Variants in EPB41L4B observed in about 807,000 individuals in gnomAD.
EPB41L4B encodes the protein band 4.1-like protein 4B.
In EPB41L4B, 30 loss-of-function variants were observed where a neutral mutation model predicts 112.5. That is an observed-to-expected ratio of 0.27 (90% CI 0.20 to 0.36). EPB41L4B has a LOEUF of 0.36. Ranked by LOEUF, EPB41L4B falls within the 10% of genes least tolerant of loss-of-function variation. EPB41L4B has a pLI of 1.00. For synonymous variants in EPB41L4B, 408 were observed against 439.7 expected (o/e 0.93, Z 0.90); for missense variants, 1,024 against 1,133.3 (o/e 0.90, Z 1.38).
intron 20 of EPB41L4B, among the ~76,000 whole-genome samples, chr9:109,196,998 C>T (rs558257823): frequency 1.6e-4 from 25 of 152,206 alleles, no homozygotes; most frequent in East Asian, 7.7e-4. Flanking sequence ...GCCAAAAGGG[C>T]GATGTGTGCA....
At chr9:109,198,437 G>A (rs898218645) in intron 20 of EPB41L4B, among the ~76,000 whole-genome samples, 2 of 152,138 alleles carry the variant, frequency 1.3e-5, no homozygotes, top group East Asian at 1.9e-4. Flanking sequence ...AGGAAGAGAG[G>A]ATCAAACAGT....
chr9:109,176,639 G>C lies in EPB41L4B; in HGVS notation c.2545C>G (p.Pro849Ala). ...CCPGPTSPLI[P>A]AATLRPLTET... ...GTCAAAGGCCTCAGGGTCGCTGCTG[G>C]GATCAGCGGGGAAGTCGGGCCAGGA... Residue 849 changes from proline (P) to alanine (A), a missense_variant, in exon 25 of 26, where the codon CCA (proline) becomes GCA (alanine). Coordinates refer to ENST00000374566, the MANE Select transcript of EPB41L4B (RefSeq NM_019114.5). 6.2e-7 allele frequency: 1 copy of C among 1,614,016 alleles called. No homozygotes were observed. Among genetic ancestry groups the C allele is most frequent in the Admixed American group, 1.7e-5 (1 of 59,996 alleles).
In EPB41L4B at chr9:109,200,247, T is replaced by C. The variant is rs769537703; in HGVS notation, c.2034A>G (p.Arg678=). The change falls in exon 20 of 26, where the codon AGA becomes AGG. Residue 678 remains arginine (R), a synonymous_variant. Transcript: ENST00000374566. The part of the protein sequence containing the change: ...IKPPRVRKLT[R]QYSFDEDDLP... The stretch of plus-strand genomic sequence containing the variant: ...AGTACAGAACTCACAAACTATACTG[T>C]CTTGTTAACTTCCTCACTCGGGGAG... The C allele has an allele frequency of 1.1e-5, 17 of 1,614,018 alleles. No homozygotes were observed. Among genetic ancestry groups the C allele is most frequent in the Admixed American group, 3.3e-5 (2 of 60,014 alleles).
chr9:109,304,074 G>A (rs1837080596), intron 1 of EPB41L4B, among the ~76,000 whole-genome samples: 1 of 152,190 alleles, frequency 6.6e-6, no homozygotes, highest in African/African-American at 2.4e-5. Context: ...CCTTGATGAG[G>A]TAATTTAACT....
chr9:109,227,077 G>A (rs954372272), intron 15 of EPB41L4B, among the ~76,000 whole-genome samples: 3 of 151,682 alleles, frequency 2.0e-5, no homozygotes, highest in African/African-American at 7.3e-5. Flanking sequence ...GGTCTTAAGC[G>A]GTCCTCCCAC....
chr9:109,189,966 C>T (rs755608615), intron 22 of EPB41L4B, among the ~76,000 whole-genome samples: 6 of 147,676 alleles, frequency 4.1e-5, no homozygotes, highest in African/African-American at 7.5e-5. Context: ...GATGGACTCT[C>T]GCTTTGTTGC....
chr9:109,229,316 C>A (rs1381086474), intron 15 of EPB41L4B, among the ~76,000 whole-genome samples: 1 of 152,220 alleles, frequency 6.6e-6, no homozygotes, highest in East Asian at 1.9e-4. Flanking sequence ...GCCAAGAAAT[C>A]AACAGATTCC....
intron 1 of EPB41L4B, among the ~76,000 whole-genome samples, chr9:109,298,614 T>C (rs549858850): frequency 6.6e-6 from 1 of 152,186 alleles, no homozygotes; most frequent in Non-Finnish European, 1.5e-5. Context: ...GCCTGGCCCA[T>C]ATACGCATTT....
At chr9:109,284,646 A>T (rs1487095522) in intron 1 of EPB41L4B, among the ~76,000 whole-genome samples, 1 of 152,188 alleles carries the variant, frequency 6.6e-6, no homozygotes, top group Non-Finnish European at 1.5e-5. Flanking sequence ...CTCTGGGCTC[A>T]AGTGATCCAC....
intron 1 of EPB41L4B, among the ~76,000 whole-genome samples, chr9:109,310,172 G>A (rs1837364219): frequency 6.6e-6 from 1 of 152,132 alleles, no homozygotes; most frequent in Non-Finnish European, 1.5e-5. Flanking sequence ...CTACAAAACA[G>A]TAAGAACTCC....
intron 22 of EPB41L4B, among the ~76,000 whole-genome samples, chr9:109,186,809 G>A (rs1201909604): frequency 6.6e-6 from 1 of 152,138 alleles, no homozygotes; most frequent in Non-Finnish European, 1.5e-5. Context: ...GATTTCATAT[G>A]TCTTGGCTCT....
intron 6 of EPB41L4B, among the ~76,000 whole-genome samples, chr9:109,262,314 C>T (rs925176321): frequency 2.6e-5 from 4 of 152,170 alleles, no homozygotes; most frequent in Non-Finnish European, 5.9e-5. Flanking sequence ...ATTTCCTCCA[C>T]CAGAGTCCAC....
intron 15 of EPB41L4B, among the ~76,000 whole-genome samples, chr9:109,227,294 G>A (rs1233570894): frequency 6.6e-6 from 1 of 151,566 alleles, no homozygotes; most frequent in Non-Finnish European, 1.5e-5. Context: ...CATGTGCCTA[G>A]TCTTCTAGAT....
chr9:109,286,569 C>G (rs1836290934), intron 1 of EPB41L4B, among the ~76,000 whole-genome samples: 1 of 152,150 alleles, frequency 6.6e-6, no homozygotes, highest in African/African-American at 2.4e-5. Context: ...CTTATCGTTA[C>G]CCAGGTCTCC....
intron 4 of EPB41L4B, among the ~76,000 whole-genome samples, chr9:109,266,879 G>A (rs1835419429): frequency 6.7e-6 from 1 of 148,320 alleles, no homozygotes; most frequent in African/African-American, 2.5e-5. Flanking sequence ...TGAGGCAGGA[G>A]AATCGCTTGA....
intron 1 of EPB41L4B, among the ~76,000 whole-genome samples, chr9:109,286,345 G>C (rs1836278814): frequency 6.6e-6 from 1 of 152,126 alleles, no homozygotes; most frequent in Non-Finnish European, 1.5e-5. Context: ...CAACAGACTG[G>C]TGGTGCTCTA....
intron 24 of EPB41L4B, among the ~76,000 whole-genome samples, chr9:109,180,469 T>C (rs1453793094): frequency 1.3e-5 from 2 of 152,130 alleles, no homozygotes; most frequent in Admixed American, 1.3e-4. Context: ...AAAGAGCATC[T>C]AACATTCTGG....
At chr9:109,198,631 G>A (rs1832722579) in intron 20 of EPB41L4B, among the ~76,000 whole-genome samples, 1 of 152,190 alleles carries the variant, frequency 6.6e-6, no homozygotes, top group African/African-American at 2.4e-5. Flanking sequence ...TACAAGCCGG[G>A]CACGGTGGCT....
At chr9:109,222,765 G>GC (rs1564276501) in intron 15 of EPB41L4B, among the ~76,000 whole-genome samples, 1 of 152,198 alleles carries the variant, frequency 6.6e-6, no homozygotes, top group Non-Finnish European at 1.5e-5. Context: ...GCTGCTATGT[G>GC]CCTAGCACTG....
Sources: allele counts gnomAD v4.1 joint callset (sites outside exome capture counted in the v4.1 genomes callset), GRCh38; gene constraint gnomAD v4.1.1; transcripts MANE v1.5; gene names NCBI Gene and HGNC (gene_info 2026-07-23, HGNC 2026-07-21).